Variants in FBN1 observed in about 807,000 individuals in gnomAD.
FBN1 encodes the protein fibrillin-1.
In FBN1, 29 loss-of-function variants were observed where a neutral mutation model predicts 365.1. The ratio of observed to expected loss-of-function variants is 0.08; its 90% CI spans 0.06 to 0.11. FBN1 has a LOEUF of 0.11. Ranked by LOEUF, FBN1 falls within the 10% of genes least tolerant of loss-of-function variation. The pLI is 1.00. For missense variants in FBN1, 2,476 were observed against 3,703.2 expected (o/e 0.67, Z 8.60); for synonymous variants, 1,210 against 1,270.5 (o/e 0.95, Z 1.01).
At chr15:48,450,099 GATT>G (rs2043189605) in intron 45 of FBN1, among the ~76,000 whole-genome samples, 1 of 152,200 alleles carries the variant, frequency 6.6e-6, no homozygotes, top group South Asian at 2.1e-4. Context: ...AACAAATTAT[GATT>G]ATTCCCTTTT....
Position 48,644,952 on chromosome 15 carries a change from T to A in FBN1, c.-181-2A>T. 1 of 447,084 alleles carries A rather than the reference T, an allele frequency of 2.2e-6. No homozygotes were observed. Among genetic ancestry groups the A allele is most frequent in the South Asian group, 7.6e-5 (1 of 13,118 alleles). The allele number at this position is 447,084 out of a possible 1,614,324, so 27.7% of individuals were successfully genotyped here. On this transcript the variant is annotated splice_acceptor_variant, in intron 1 of 65. Transcript: ENST00000316623. LOFTEE classifies it low-confidence loss of function (5UTR_SPLICE). ...CCCACTTCAGGCGGCCCCTGCCAGCTGCAACACAGAGACAAATCCCCGAGG... is the reference window on the plus strand; with the variant it reads ...CCCACTTCAGGCGGCCCCTGCCAGCAGCAACACAGAGACAAATCCCCGAGG...
At chr15:48,424,728 C>T (rs1001107832) in intron 60 of FBN1, among the ~76,000 whole-genome samples, 4 of 152,158 alleles carry the variant, frequency 2.6e-5, no homozygotes, top group African/African-American at 7.2e-5. Flanking sequence ...GTGCTATTCA[C>T]TAAATATAAT....
chr15:48,584,272 C>T (rs898037503), intron 6 of FBN1, among the ~76,000 whole-genome samples: 2 of 152,096 alleles, frequency 1.3e-5, no homozygotes, highest in Non-Finnish European at 1.5e-5. Context: ...GAGAGACATG[C>T]AGTAACTTGC....
rs1030765519 is a variant in FBN1 at position 48,507,194 on chromosome 15, T to G, written c.1837+1388A>C. Reference sequence around the variant, plus strand: ...GTGCTCTGTGTATCATCAAGAAGATTATGTATTCTCCTAGGTCTGCTCACA... The same window carrying G: ...GTGCTCTGTGTATCATCAAGAAGATGATGTATTCTCCTAGGTCTGCTCACA... On this transcript the variant is annotated intron_variant, in intron 15 of 65. Coordinates refer to ENST00000316623, the MANE Select transcript of FBN1 (RefSeq NM_000138.5). Among the ~76,000 whole-genome samples, 4 of 152,276 alleles carry G rather than the reference T, an allele frequency of 2.6e-5. No homozygotes were observed. In the South Asian group the frequency reaches 6.2e-4, roughly 24 times the overall value.
At chr15:48,482,127 G>T (rs2043470006) in intron 31 of FBN1, among the ~76,000 whole-genome samples, 2 of 152,314 alleles carry the variant, frequency 1.3e-5, no homozygotes, top group African/African-American at 4.8e-5. Context: ...TCTGCATGAT[G>T]ATAACAATTT....
chr15:48,447,304 C>T lies in FBN1; in HGVS notation c.5672-482G>A, dbSNP rs116391397. 5.2e-3 allele frequency among the ~76,000 whole-genome samples: 789 copies of T among 152,232 alleles called. 4 individuals carry two copies. The highest frequency in any genetic ancestry group is 0.018 in the African/African-American group (758 of 41,540). On this transcript the variant is annotated intron_variant, in intron 46 of 65. Coordinates refer to ENST00000316623, the MANE Select transcript of FBN1 (RefSeq NM_000138.5). Reference sequence around the variant, plus strand: ...AAAATAACTCAGCTTTCTAGCTCACCTGTCATTTCAGACAACTTTTCCTTT... The same window carrying T: ...AAAATAACTCAGCTTTCTAGCTCACTTGTCATTTCAGACAACTTTTCCTTT...
At chr15:48,474,497 G>A in intron 33 of FBN1, 31 bp downstream of exon 33, 2 of 1,614,120 alleles carry the variant, frequency 1.2e-6, no homozygotes, top group South Asian at 2.2e-5. Flanking sequence ...TGCAGTCCTT[G>A]ATAAGCAACC....
intron 44 of FBN1, among the ~76,000 whole-genome samples, chr15:48,455,423 C>T (rs1389099267): frequency 6.6e-6 from 1 of 152,174 alleles, no homozygotes; most frequent in Admixed American, 6.5e-5. Flanking sequence ...ATCATCAAAG[C>T]CATCTCTGAG....
chr15:48,411,402 G>T, intron 65 of FBN1, 23 bp from the exon 66 acceptor site: 2 of 1,609,566 alleles, frequency 1.2e-6, no homozygotes, highest in Non-Finnish European at 8.5e-7. Flanking sequence ...ATGGCAATAT[G>T]TTAAATACAA....
chr15:48,493,123 G>A (rs2043576053), intron 23 of FBN1, among the ~76,000 whole-genome samples: 1 of 152,116 alleles, frequency 6.6e-6, no homozygotes, highest in Non-Finnish European at 1.5e-5. Context: ...TTCTGTCCAT[G>A]CTTTGGTCTC....
At chr15:48,634,517 C>T (rs1487604823) in intron 2 of FBN1, among the ~76,000 whole-genome samples, 1 of 152,104 alleles carries the variant, frequency 6.6e-6, no homozygotes, top group Non-Finnish European at 1.5e-5. Flanking sequence ...ACTTTCACTC[C>T]AGAACCTTCT....
At chr15:48,551,250 T>C (rs540456498) in intron 6 of FBN1, among the ~76,000 whole-genome samples, 83 of 152,246 alleles carry the variant, frequency 5.5e-4, no homozygotes, top group Non-Finnish European at 9.7e-4. Flanking sequence ...CCTTCTATTT[T>C]TCCTCTCCTC....
intron 2 of FBN1, among the ~76,000 whole-genome samples, chr15:48,614,536 T>C (rs1190520902): frequency 6.6e-6 from 1 of 152,114 alleles, no homozygotes; most frequent in Non-Finnish European, 1.5e-5. Flanking sequence ...TGGAACACCC[T>C]GCAGGGCACC....
rs193922213 is a variant in FBN1 at position 48,452,550 on chromosome 15, G to A, written c.5545+12C>T. 8.1e-6 allele frequency: 13 copies of A among 1,613,980 alleles called. No individual in the cohort carries two copies. Among genetic ancestry groups the A allele is most frequent in the Non-Finnish European group, 1.0e-5 (12 of 1,179,964 alleles). On this transcript the variant is annotated intron_variant, in intron 45 of 65. Transcript: ENST00000316623. ...TTGGGTAGGCATGTCCAGCCTGTGG[G>A]GCACTACATACCATTGCACTGTCCT... is the stretch of plus-strand genomic sequence containing the variant.
At chr15:48,622,617 C>T (rs1482016942) in intron 2 of FBN1, among the ~76,000 whole-genome samples, 2 of 152,142 alleles carry the variant, frequency 1.3e-5, no homozygotes, top group Admixed American at 6.5e-5. Context: ...TTCATATTCA[C>T]CGTGCTTATT....
intron 32 of FBN1, among the ~76,000 whole-genome samples, chr15:48,477,547 A>G (rs932334883): frequency 2.0e-5 from 3 of 152,194 alleles, no homozygotes; most frequent in African/African-American, 7.2e-5. Flanking sequence ...TGCACCAACT[A>G]TCATTCATTA....
rs1432525942 is a variant in FBN1, at chr15:48,513,538, C to T, written c.1588+11G>A. On this transcript the variant is annotated intron_variant, in intron 13 of 65. Transcript: ENST00000316623. ...ATGTCCCACATTCCACGTCAGGAGC[C>T]AGGACCATACCTCGGCATTCTGTCC... 1 of 1,613,940 alleles carries T rather than the reference C, an allele frequency of 6.2e-7. No homozygotes were observed. Among genetic ancestry groups the T allele is most frequent in the Non-Finnish European group, 8.5e-7 (1 of 1,179,876 alleles).
intron 6 of FBN1, among the ~76,000 whole-genome samples, chr15:48,550,689 C>G (rs953438012): frequency 6.6e-6 from 1 of 152,114 alleles, no homozygotes; most frequent in African/African-American, 2.4e-5. Flanking sequence ...GGTGCTGTTT[C>G]TCTTCCACAC....
intron 6 of FBN1, among the ~76,000 whole-genome samples, chr15:48,546,866 G>A (rs2044097453): frequency 6.6e-6 from 1 of 152,076 alleles, no homozygotes. Context: ...GGAAGCGTGA[G>A]GGAAACCGGA....
Sources: gnomAD v4.1 joint callset for allele counts (sites outside exome capture counted in the v4.1 genomes callset) on GRCh38, gnomAD v4.1.1 for gene constraint, MANE v1.5 for transcripts, NCBI Gene and HGNC (gene_info 2026-07-23, HGNC 2026-07-21) for gene names.